ZAN: variants seen among roughly 807,000 people sequenced by gnomAD.
ZAN encodes zonadhesin (gene/pseudogene).
ZAN carries 260 observed loss-of-function variants against 286.2 expected under a neutral mutation model. The observed-to-expected ratio is 0.91, with a 90% CI of 0.82 to 1.01. ZAN has a LOEUF of 1.01. Ranked by LOEUF, ZAN falls within the 50% of genes least tolerant of loss-of-function variation. The probability of loss-of-function intolerance (pLI) is 0.00; values close to 1 mark genes in which losing one functional copy is unlikely to be tolerated. For synonymous variants in ZAN, 1,368 were observed against 1,417.5 expected (o/e 0.97, Z 0.79); for missense variants, 3,410 against 3,639.2 (o/e 0.94, Z 1.62).
At chr7:100,755,550 A>G (rs1562928999) in intron 15 of ZAN, 140 bp downstream of exon 15, 1 of 949,306 alleles carries the variant, frequency 1.1e-6, no homozygotes, top group Non-Finnish European at 1.5e-6. Context: ...CAATGGTTAC[A>G]TGATGGCGAA....
chr7:100,776,597 T>C, intron 34 of ZAN, 33 bp downstream of exon 34: 1 of 1,470,468 alleles, frequency 6.8e-7, no homozygotes, highest in South Asian at 1.4e-5. Flanking sequence ...TAGGTTTTCT[T>C]TCTTTTTCTT....
intron 34 of ZAN, among the ~76,000 whole-genome samples, chr7:100,778,289 A>G (rs899960394): frequency 6.6e-6 from 1 of 152,130 alleles, no homozygotes; most frequent in African/African-American, 2.4e-5. Context: ...CCTGGATGAC[A>G]GAGCAAGATG....
intron 19 of ZAN, 148 bp downstream of exon 19, chr7:100,760,684 C>A: frequency 7.8e-7 from 1 of 1,275,682 alleles, no homozygotes; most frequent in Non-Finnish European, 1.1e-6. Context: ...GGGAAGCACC[C>A]TGCTTAAGTG....
intron 33 of ZAN, 45 bp from the exon 34 acceptor site, chr7:100,776,395 G>A (rs771950515): frequency 3.2e-6 from 5 of 1,575,178 alleles, no homozygotes; most frequent in Admixed American, 3.7e-5. Flanking sequence ...GAGAAAAACT[G>A]TTCTCGTGCT....
rs746599244 is a variant in ZAN, at chr7:100,755,285, C to T, written c.3184C>T (p.Pro1062Ser). The T allele has an allele frequency of 3.1e-6, 5 of 1,613,842 alleles. No individual in the cohort carries two copies. Among genetic ancestry groups the T allele is most frequent in the Non-Finnish European group, 2.5e-6 (3 of 1,179,862 alleles). ...SCACPASCKS[P>S]RPSCGPLCRE... ...TGCTTGTCCTGCTTCGTGCAAGAGC[C>T]CCAGGCCTAGCTGTGGGCCCCTCTG... Residue 1062 changes from proline to serine, a missense_variant, in exon 15 of 48, where the codon CCC becomes TCC. By Grantham distance (74) the Pro-to-Ser change is moderately conservative. Around this residue, in one of 7 missense-constraint regions of ZAN, gnomAD observed 1,042 missense variants for 1,058.0 expected, o/e 0.98. Coordinates refer to ENST00000613979, the MANE Select transcript of ZAN (RefSeq NM_003386.3).
At chr7:100,759,893 T>C (rs1809430290) in intron 18 of ZAN, 48 bp downstream of exon 18, 2 of 1,587,008 alleles carry the variant, frequency 1.3e-6, no homozygotes, top group Admixed American at 1.7e-5. Context: ...TGACTGTGTG[T>C]CCTGGCCAAC....
intron 7 of ZAN, among the ~76,000 whole-genome samples, chr7:100,743,139 T>G (rs1463737812): frequency 2.0e-5 from 3 of 150,856 alleles, no homozygotes; most frequent in Non-Finnish European, 4.4e-5. Context: ...TTCTCCTGCC[T>G]CAGCCTCCCG....
chr7:100,774,626 C>G (rs2116149409), intron 31 of ZAN, among the ~76,000 whole-genome samples: 1 of 152,040 alleles, frequency 6.6e-6, no homozygotes, highest in East Asian at 1.9e-4. Context: ...AGTCTGCATG[C>G]CAGCCTGGGT....
At chr7:100,746,742 C>T (rs774870703) in intron 8 of ZAN, 40 bp downstream of exon 8, 89 of 1,603,186 alleles carry the variant, frequency 5.6e-5, no homozygotes, top group Non-Finnish European at 7.0e-5. Context: ...CTGATCTGGG[C>T]GCATCTCCCA....
chr7:100,739,355 T>C (rs562571757), intron 7 of ZAN, among the ~76,000 whole-genome samples: 1 of 138,100 alleles, frequency 7.2e-6, no homozygotes, highest in African/African-American at 2.6e-5. Context: ...ACCTACAATA[T>C]GCCAGGTGCT....
At chr7:100,770,328 C>A (rs1483149450) in intron 28 of ZAN, among the ~76,000 whole-genome samples, 1 of 151,522 alleles carries the variant, frequency 6.6e-6, no homozygotes, top group African/African-American at 2.4e-5. Context: ...CATGGTGAAA[C>A]CCCGTCTCTA....
chr7:100,752,532 C>T lies in ZAN; in HGVS notation c.2427C>T (p.Thr809=). The T allele has an allele frequency of 6.2e-7, 1 of 1,612,970 alleles. No homozygotes were observed. The highest frequency in any genetic ancestry group is 8.5e-7 in the Non-Finnish European group (1 of 1,179,756). ...CCACCACCCCCACTGAGGAGACCACCATCTCCACAGAAAAACCCAGCATCC... is the reference window on the plus strand; with the variant it reads ...CCACCACCCCCACTGAGGAGACCACTATCTCCACAGAAAAACCCAGCATCC... The part of the protein sequence containing the change: ...EEPTTPTEET[T]ISTEKPSIPM... The change falls in exon 14 of 48, where the codon ACC becomes ACT. Residue 809 remains threonine, a synonymous_variant. Coordinates refer to ENST00000613979, the MANE Select transcript of ZAN (RefSeq NM_003386.3).
chr7:100,764,524 A>G (rs1182666705), intron 22 of ZAN, among the ~76,000 whole-genome samples: 2 of 149,870 alleles, frequency 1.3e-5, no homozygotes, highest in Admixed American at 1.3e-4. Context: ...ATAAATAAAT[A>G]AATAAAAATA....
chr7:100,793,468 C>T (rs577614263), intron 42 of ZAN, among the ~76,000 whole-genome samples: 115 of 152,194 alleles, frequency 7.6e-4, no homozygotes, highest in African/African-American at 2.5e-3. Flanking sequence ...AGACAGAGTT[C>T]GCTTTTTGTT....
At chr7:100,792,552 GTT>G in intron 42 of ZAN, 73 bp downstream of exon 42, 1 of 1,599,770 alleles carries the variant, frequency 6.3e-7, no homozygotes, top group Admixed American at 1.7e-5. Context: ...GCGGTGAGGT[GTT>G]GCCCCTCCCT....
In ZAN at chr7:100,786,064, G is replaced by A. The variant is rs1056960433; in HGVS notation, c.6902G>A (p.Cys2301Tyr). 4.3e-6 allele frequency: 7 copies of A among 1,613,910 alleles called. No homozygotes were observed. The highest frequency in any genetic ancestry group is 5.9e-6 in the Non-Finnish European group (7 of 1,179,912). Reference sequence around the variant, plus strand: ...GTCTGCACGGGAGGAGCCATTCAGTGCGGGGACTTCCGATGCCCCTCTGGG... The same window carrying A: ...GTCTGCACGGGAGGAGCCATTCAGTACGGGGACTTCCGATGCCCCTCTGGG... ...KCVCTGGAIQ[C>Y]GDFRCPSGSH... The change falls in exon 37 of 48, where the codon TGC becomes TAC. Residue 2301 changes from cysteine (C) to tyrosine (Y), a missense_variant. Cys to Tyr is a radical substitution (Grantham distance 194). Transcript: ENST00000613979.
At chr7:100,791,139 G>C (rs545919946) in intron 40 of ZAN, 26 bp downstream of exon 40, 2 of 1,598,780 alleles carry the variant, frequency 1.3e-6, no homozygotes, top group East Asian at 4.5e-5. Flanking sequence ...GGGATGAGGC[G>C]GGGGAGGTGA....
In ZAN at chr7:100,749,452, A is replaced by T. The variant is rs935620207; in HGVS notation, c.1249+982A>T. 4.6e-5 allele frequency among the ~76,000 whole-genome samples: 7 copies of T among 150,864 alleles called. No homozygotes were observed. The East Asian group carries it at 1.4e-3, about 30-fold the overall frequency. On this transcript the variant is annotated intron_variant, in intron 11 of 47. Coordinates refer to ENST00000613979, the MANE Select transcript of ZAN (RefSeq NM_003386.3). ...TCAGGAGATCGAGACCATCCTGGCTAACACGGTGAAACCCCGTCCCTACTA... is the reference window on the plus strand; with the variant it reads ...TCAGGAGATCGAGACCATCCTGGCTTACACGGTGAAACCCCGTCCCTACTA...
Position 100,752,595 on chromosome 7 carries a change from C to A in ZAN, c.2490C>A (p.Thr830=), listed in dbSNP as rs761872978. The change falls in exon 14 of 48, where the codon ACC becomes ACA. Residue 830 remains threonine (T), a synonymous_variant. Transcript: ENST00000613979. The part of the protein sequence containing the change: ...EKPTLPTEET[T]TSVEETTIST... Reference sequence around the variant, plus strand: ...CCACTCTCCCCACTGAAGAAACCACCACCTCTGTTGAAGAGACTACCATCT... The same window carrying A: ...CCACTCTCCCCACTGAAGAAACCACAACCTCTGTTGAAGAGACTACCATCT... 1 of 1,612,674 alleles carries A rather than the reference C, an allele frequency of 6.2e-7. No individual in the cohort carries two copies. Among genetic ancestry groups the A allele is most frequent in the Non-Finnish European group, 8.5e-7 (1 of 1,179,500 alleles).
Sources: allele counts gnomAD v4.1 joint callset (sites outside exome capture counted in the v4.1 genomes callset), GRCh38; gene constraint gnomAD v4.1.1; regional missense constraint gnomAD v4.1.1; transcripts MANE v1.5; gene names NCBI Gene and HGNC (gene_info 2026-07-23, HGNC 2026-07-21).